SRPK2: variants seen among roughly 807,000 people sequenced by gnomAD.
The protein encoded by SRPK2 is SFRS protein kinase 2.
SRPK2 carries 21 observed loss-of-function variants against 90.8 expected under a neutral mutation model. The observed-to-expected ratio is 0.23, with a 90% CI of 0.16 to 0.33. The LOEUF is 0.33. SRPK2 is among the 10% of genes least tolerant of loss of function. The pLI, the probability that SRPK2 is intolerant of heterozygous loss-of-function variation, is 1.00. For missense variants in SRPK2, 620 were observed against 869.0 expected (o/e 0.71, Z 3.60); for synonymous variants, 288 against 311.1 (o/e 0.93, Z 0.78).
chr7:105,133,214 C>A, intron 11 of SRPK2, 110 bp from the exon 12 acceptor site: 1 of 956,554 alleles, frequency 1.0e-6, no homozygotes, highest in Non-Finnish European at 1.7e-6. Flanking sequence ...GTGGAATGAT[C>A]ACTTAGGCCT....
At chr7:105,246,933 C>A (rs1056939909) in intron 2 of SRPK2, among the ~76,000 whole-genome samples, 1 of 152,186 alleles carries the variant, frequency 6.6e-6, no homozygotes, top group Admixed American at 6.6e-5. Context: ...AGCTCAAATT[C>A]TTCCAAGAGC....
intron 2 of SRPK2, among the ~76,000 whole-genome samples, chr7:105,251,828 T>C (rs1315647768): frequency 6.6e-6 from 1 of 152,216 alleles, no homozygotes; most frequent in Non-Finnish European, 1.5e-5. Flanking sequence ...TTTTGTATTT[T>C]TTGTAAGCTC....
intron 2 of SRPK2, among the ~76,000 whole-genome samples, chr7:105,379,730 G>C (rs888860593): frequency 1.3e-5 from 2 of 152,208 alleles, no homozygotes; most frequent in African/African-American, 4.8e-5. Context: ...TGTAATCCCA[G>C]CACTTTGGGA....
chr7:105,173,865 A>G (rs1229961212), intron 3 of SRPK2, among the ~76,000 whole-genome samples: 1 of 151,550 alleles, frequency 6.6e-6, no homozygotes, highest in Non-Finnish European at 1.5e-5. Flanking sequence ...TGTACACTTC[A>G]CTATTTGTAC....
chr7:105,269,882 G>C (rs1377577613), intron 2 of SRPK2, among the ~76,000 whole-genome samples: 1 of 152,170 alleles, frequency 6.6e-6, no homozygotes, highest in Non-Finnish European at 1.5e-5. Context: ...ACTGAAGTGT[G>C]CTTTCATAAT....
intron 2 of SRPK2, among the ~76,000 whole-genome samples, chr7:105,346,424 T>C (rs1816462981): frequency 6.6e-6 from 1 of 152,068 alleles, no homozygotes. Context: ...ACAACTGTTA[T>C]ATGAAGGTCA....
At chr7:105,257,538 G>A (rs1265432872) in intron 2 of SRPK2, among the ~76,000 whole-genome samples, 1 of 152,128 alleles carries the variant, frequency 6.6e-6, no homozygotes, top group Non-Finnish European at 1.5e-5. Context: ...AATCTGTCTG[G>A]GTGTATGAGA....
chr7:105,388,626 G>A, intron 2 of SRPK2, 22 bp downstream of exon 2: 2 of 1,567,834 alleles, frequency 1.3e-6, no homozygotes, highest in Admixed American at 1.8e-5. Context: ...GGGGAACGGG[G>A]ACAGGCGCAG....
chr7:105,147,343 A>T (rs924972653), intron 7 of SRPK2, among the ~76,000 whole-genome samples: 1 of 152,162 alleles, frequency 6.6e-6, no homozygotes, highest in African/African-American at 2.4e-5. Flanking sequence ...TTTGAGACAG[A>T]GTCTCGCTCT....
At chr7:105,280,008 T>C (rs1261465531) in intron 2 of SRPK2, among the ~76,000 whole-genome samples, 3 of 152,236 alleles carry the variant, frequency 2.0e-5, no homozygotes, top group South Asian at 4.1e-4. Flanking sequence ...GATTATATCA[T>C]AGAGTAATAT....
chr7:105,190,662 G>C (rs951431503), intron 3 of SRPK2, among the ~76,000 whole-genome samples: 14 of 152,158 alleles, frequency 9.2e-5, no homozygotes, highest in Non-Finnish European at 1.8e-4. Flanking sequence ...GTGCCACACT[G>C]TTAGACTATC....
chr7:105,129,487 G>A (rs1378818728), intron 13 of SRPK2, among the ~76,000 whole-genome samples: 1 of 152,124 alleles, frequency 6.6e-6, no homozygotes, highest in African/African-American at 2.4e-5. Context: ...CGATTCTCCT[G>A]CCTCAGCCAC....
At chr7:105,165,666 A>G (rs1157965381) in intron 6 of SRPK2, among the ~76,000 whole-genome samples, 1 of 152,230 alleles carries the variant, frequency 6.6e-6, no homozygotes, top group Non-Finnish European at 1.5e-5. Flanking sequence ...TTGTAAATGC[A>G]CCAATCAGCA....
chr7:105,357,657 T>C (rs995027112), intron 2 of SRPK2, among the ~76,000 whole-genome samples: 1 of 151,886 alleles, frequency 6.6e-6, no homozygotes, highest in African/African-American at 2.4e-5. Context: ...GGCAAGAGAA[T>C]TGCTTGAACC....
intron 2 of SRPK2, among the ~76,000 whole-genome samples, chr7:105,273,212 C>A (rs1392040755): frequency 1.7e-4 from 26 of 149,594 alleles, no homozygotes; most frequent in Admixed American, 6.6e-5. Flanking sequence ...GAGACTCCGT[C>A]TCAAAAAAAA....
At chr7:105,378,872 C>A (rs1297645112) in intron 2 of SRPK2, among the ~76,000 whole-genome samples, 1 of 152,030 alleles carries the variant, frequency 6.6e-6, no homozygotes, top group Non-Finnish European at 1.5e-5. Context: ...TACAATGACA[C>A]TGCCAAGTGT....
chr7:105,281,725 G>C (rs1807370655), intron 2 of SRPK2, among the ~76,000 whole-genome samples: 1 of 148,092 alleles, frequency 6.8e-6, no homozygotes, highest in East Asian at 2.0e-4. Context: ...GCAGCAAAAA[G>C]AATAAAATAT....
At chr7:105,304,267 C>G (rs974990554) in intron 2 of SRPK2, 10 of 152,214 alleles carry the variant, frequency 6.6e-5, no homozygotes, top group African/African-American at 2.2e-4. Context: ...ACCAAAAGCT[C>G]TAACAACCCA....
intron 7 of SRPK2, among the ~76,000 whole-genome samples, chr7:105,148,505 A>G (rs1320350643): frequency 1.3e-5 from 2 of 152,260 alleles, no homozygotes; most frequent in Non-Finnish European, 2.9e-5. Flanking sequence ...TTTACAAAAC[A>G]GATCATGTTC....
Sources: gnomAD v4.1 joint callset for allele counts (sites outside exome capture counted in the v4.1 genomes callset) on GRCh38, gnomAD v4.1.1 for gene constraint, MANE v1.5 for transcripts, NCBI Gene and HGNC (gene_info 2026-07-23, HGNC 2026-07-21) for gene names.